Variants in PTPRN2 observed in about 807,000 individuals in gnomAD.
PTPRN2 encodes the protein receptor-type tyrosine-protein phosphatase N2.
In PTPRN2, 74 loss-of-function variants were observed where a neutral mutation model predicts 118.8. That is an observed-to-expected ratio of 0.62 (90% CI 0.52 to 0.76). PTPRN2 has a LOEUF of 0.76. PTPRN2 is among the 30% of genes least tolerant of loss of function. PTPRN2 has a pLI of 0.00. For synonymous variants in PTPRN2, 641 were observed against 608.0 expected, an observed-to-expected ratio of 1.05 and a Z score of -0.80; for missense variants, 1,481 against 1,394.4, an observed-to-expected ratio of 1.06 and a Z score of -0.99.
chr7:158,512,373 G>A (rs73729663), intron 1 of PTPRN2, among the ~76,000 whole-genome samples: 146 of 152,362 alleles, frequency 9.6e-4, no homozygotes, highest in African/African-American at 3.4e-3. Flanking sequence ...TGGAGTGGAG[G>A]TTACAGGTAA....
At position 157,548,925 on chromosome 7, in the gene PTPRN2, C is replaced by T. The variant is rs570111170; in HGVS notation, c.2976+21G>A. Reference sequence around the variant, plus strand: ...AGGCACCTTGAATGGGTCTGCGTCCCGGAGGAGAGACTGACAGTACCTTCG... The same window carrying T: ...AGGCACCTTGAATGGGTCTGCGTCCTGGAGGAGAGACTGACAGTACCTTCG... On this transcript the variant is annotated intron_variant, in intron 22 of 22. Coordinates refer to ENST00000389418, the MANE Select transcript of PTPRN2 (RefSeq NM_002847.5). 5.5e-4 allele frequency: 883 copies of T among 1,611,692 alleles called. 16 individuals are homozygous for T. The South Asian group carries it at 7.9e-3, about 14-fold the overall frequency.
At chr7:157,668,030 GGT>G (rs1796230201) in intron 13 of PTPRN2, among the ~76,000 whole-genome samples, 1 of 152,240 alleles carries the variant, frequency 6.6e-6, no homozygotes, top group Non-Finnish European at 1.5e-5. Context: ...CAGCTCCTCA[GGT>G]GTGAGCACAC....
intron 2 of PTPRN2, among the ~76,000 whole-genome samples, chr7:158,378,921 A>G (rs982945049): frequency 6.6e-6 from 1 of 152,194 alleles, no homozygotes. Context: ...GGATGGGGAG[A>G]AGACCCCGCT....
intron 3 of PTPRN2, among the ~76,000 whole-genome samples, chr7:158,249,995 A>T (rs1304245514): frequency 1.3e-5 from 2 of 152,160 alleles, no homozygotes; most frequent in East Asian, 3.9e-4. Context: ...CCCACACTGG[A>T]CACTCAGTGG....
intron 21 of PTPRN2, among the ~76,000 whole-genome samples, chr7:157,549,964 C>T (rs530628175): frequency 6.4e-4 from 97 of 152,314 alleles, no homozygotes; most frequent in African/African-American, 2.0e-3. Context: ...GAAATAGAGA[C>T]GCGGCCAATG....
chr7:157,904,931 G>T (rs1290321907), intron 11 of PTPRN2, among the ~76,000 whole-genome samples: 13 of 152,076 alleles, frequency 8.5e-5, no homozygotes, highest in Admixed American at 8.5e-4. Flanking sequence ...ATGCCTCGTG[G>T]TCCCCGGCAT....
At chr7:157,792,193 C>G (rs1045370390) in intron 12 of PTPRN2, among the ~76,000 whole-genome samples, 1 of 152,228 alleles carries the variant, frequency 6.6e-6, no homozygotes, top group Non-Finnish European at 1.5e-5. Flanking sequence ...GGCTCGCGTT[C>G]CCATCTGCCT....
intron 21 of PTPRN2, among the ~76,000 whole-genome samples, chr7:157,557,939 C>T (rs1798986137): frequency 6.6e-6 from 1 of 150,650 alleles, no homozygotes; most frequent in Non-Finnish European, 1.5e-5. Flanking sequence ...CCCCAATACT[C>T]CAGGAGGACA....
chr7:157,992,990 C>G (rs1804365290), intron 11 of PTPRN2, among the ~76,000 whole-genome samples: 1 of 152,244 alleles, frequency 6.6e-6, no homozygotes, highest in African/African-American at 2.4e-5. Context: ...GCCTGGAGCC[C>G]CCGTCTTACT....
chr7:158,276,865 G>A (rs565573671), intron 3 of PTPRN2, among the ~76,000 whole-genome samples: 16 of 152,314 alleles, frequency 1.1e-4, no homozygotes, highest in South Asian at 6.2e-4. Flanking sequence ...CGGAGGGTGC[G>A]AGGCATGCCA....
At chr7:158,373,831 T>C (rs1810287518) in intron 2 of PTPRN2, among the ~76,000 whole-genome samples, 1 of 152,114 alleles carries the variant, frequency 6.6e-6, no homozygotes, top group East Asian at 1.9e-4. Flanking sequence ...TCCGGCAGCA[T>C]CTGGGCGCCC....
At chr7:157,732,138 C>A (rs1217405751) in intron 12 of PTPRN2, among the ~76,000 whole-genome samples, 2 of 101,588 alleles carry the variant, frequency 2.0e-5, no homozygotes, top group Admixed American at 9.4e-5. Context: ...CCGCCCCATG[C>A]GCCCAGCACA....
At chr7:157,608,509 G>A (rs183957804) in intron 15 of PTPRN2, among the ~76,000 whole-genome samples, 50 of 152,292 alleles carry the variant, frequency 3.3e-4, no homozygotes, top group African/African-American at 1.1e-3. Flanking sequence ...ACCGTTCCTC[G>A]TGCGGAGAGT....
intron 12 of PTPRN2, among the ~76,000 whole-genome samples, chr7:157,860,195 C>A (rs1810123699): frequency 6.6e-6 from 1 of 152,236 alleles, no homozygotes; most frequent in African/African-American, 2.4e-5. Flanking sequence ...GAGGCCCCAG[C>A]CTGTGGTGGC....
chr7:158,337,403 C>T lies in PTPRN2; in HGVS notation c.164-20471G>A, dbSNP rs557736330. ...CACCATAAGAGGTAACACCTGCAGA[C>T]GTCCCTCACACCCACACTCTCACCA... On this transcript the variant is annotated intron_variant, in intron 2 of 22. Coordinates refer to ENST00000389418, the MANE Select transcript of PTPRN2 (RefSeq NM_002847.5). Among the ~76,000 whole-genome samples, 9 of 141,624 alleles carry T rather than the reference C, an allele frequency of 6.4e-5. No individual in the cohort carries two copies. In the East Asian group the frequency reaches 1.1e-3, roughly 17 times the overall value. 92.9% of individuals were successfully genotyped at this position (141,624 alleles called of 152,430 possible).
chr7:158,104,880 A>C (rs1585450919), intron 10 of PTPRN2, among the ~76,000 whole-genome samples: 2 of 137,602 alleles, frequency 1.5e-5, no homozygotes, highest in South Asian at 4.9e-4. Flanking sequence ...AGCTCCATCA[A>C]ACTCCATCCC....
intron 2 of PTPRN2, among the ~76,000 whole-genome samples, chr7:158,454,234 A>G (rs1249527804): frequency 1.3e-5 from 2 of 152,036 alleles, no homozygotes; most frequent in Admixed American, 1.3e-4. Context: ...CAGAGGACAG[A>G]CAAGACACAA....
chr7:158,465,260 T>G (rs1451892227), intron 2 of PTPRN2, among the ~76,000 whole-genome samples: 1 of 152,218 alleles, frequency 6.6e-6, no homozygotes, highest in East Asian at 1.9e-4. Flanking sequence ...TCATGATTAC[T>G]CCCCCAGAGA....
At chr7:158,582,567 A>AT (rs1447668030) in intron 1 of PTPRN2, among the ~76,000 whole-genome samples, 4 of 152,038 alleles carry the variant, frequency 2.6e-5, no homozygotes, top group African/African-American at 9.7e-5. Context: ...AAAAAAAAAA[A>AT]ATTCATTTTT....
Sources: allele counts gnomAD v4.1 joint callset (sites outside exome capture counted in the v4.1 genomes callset), GRCh38; gene constraint gnomAD v4.1.1; transcripts MANE v1.5; gene names NCBI Gene and HGNC (gene_info 2026-07-23, HGNC 2026-07-21).